The following PPP1R12A variants were observed in gnomAD, a reference collection of about 807,000 sequenced individuals.
PPP1R12A encodes the protein myosin binding subunit.
In PPP1R12A, 19 loss-of-function variants were observed where a neutral mutation model predicts 139.6. That is an observed-to-expected ratio of 0.14 (90% CI 0.09 to 0.20). The LOEUF is 0.20. Among genes scored for constraint, PPP1R12A ranks in the 10% least tolerant of loss-of-function variants. The probability of loss-of-function intolerance (pLI) is 1.00; values close to 1 mark genes in which losing one functional copy is unlikely to be tolerated. For synonymous variants in PPP1R12A, 427 were observed against 420.6 expected (o/e 1.02, Z -0.19); for missense variants, 925 against 1,211.5 (o/e 0.76, Z 3.51).
rs1888565402 is a variant in PPP1R12A, at chr12:79,935,064, G to A, written c.-133C>T. On this transcript the variant is annotated 5_prime_UTR_variant, in exon 1 of 25. Coordinates refer to ENST00000450142, the MANE Select transcript of PPP1R12A (RefSeq NM_002480.3). ...AGAGGAGGGCTGGGAACCCGGAGCC[G>A]ACGCTCGAGACTTCCAGTATCCCAC... 5.0e-6 allele frequency: 7 copies of A among 1,405,268 alleles called. No individual in the cohort carries two copies. Among genetic ancestry groups the A allele is most frequent in the Non-Finnish European group, 6.5e-6 (7 of 1,081,864 alleles). 87.0% of individuals were successfully genotyped at this position (1,405,268 alleles called of 1,614,324 possible).
At chr12:79,790,439 T>C (rs1871698174) in intron 20 of PPP1R12A, 28 bp downstream of exon 20, 2 of 1,265,602 alleles carry the variant, frequency 1.6e-6, no homozygotes, top group South Asian at 1.7e-5. Flanking sequence ...AAGAAAAAAA[T>C]GTCAGTTAAA....
chr12:79,820,908 G>A lies in PPP1R12A; in HGVS notation c.980C>T (p.Pro327Leu), dbSNP rs1454224750. The A allele has an allele frequency of 6.2e-7, 1 of 1,613,096 alleles. No homozygotes were observed. Among genetic ancestry groups the A allele is most frequent in the Non-Finnish European group, 8.5e-7 (1 of 1,179,682 alleles). Residue 327 changes from proline to leucine, a missense_variant, in exon 8 of 25, where the codon CCA (proline) becomes CTA (leucine). Pro to Leu is a moderately conservative substitution (Grantham distance 98). Transcript: ENST00000450142. ...TTCAATACGGGATGCATTTTTCTCT[G>A]GTTCAATAATCAACGTCTCTTTGCT... is the stretch of plus-strand genomic sequence containing the variant. ...FKNKETLIIEPEKNASRIESL... is the reference protein window; with the variant it reads ...FKNKETLIIELEKNASRIESL...
chr12:79,839,981 T>C (rs1179591900), intron 3 of PPP1R12A, among the ~76,000 whole-genome samples: 2 of 152,258 alleles, frequency 1.3e-5, no homozygotes, highest in African/African-American at 2.4e-5. Context: ...GGAATTAAGA[T>C]ATGCTATATA....
chr12:79,890,010 G>A (rs1362516106), intron 1 of PPP1R12A, among the ~76,000 whole-genome samples: 3 of 152,062 alleles, frequency 2.0e-5, no homozygotes, highest in African/African-American at 7.2e-5. Flanking sequence ...ATCACACCTT[G>A]GGGTAAGGAA....
chr12:79,788,065 ATT>A (rs1213264816), intron 21 of PPP1R12A: 23 of 152,308 alleles, frequency 1.5e-4, no homozygotes, highest in African/African-American at 5.6e-4. Flanking sequence ...ATGTAAAATG[ATT>A]CTCTCCCTCA....
chr12:79,867,091 C>T (rs1299649069), intron 2 of PPP1R12A, among the ~76,000 whole-genome samples: 2 of 152,156 alleles, frequency 1.3e-5, no homozygotes, highest in Non-Finnish European at 2.9e-5. Flanking sequence ...CAATGACAGA[C>T]TGGGTTAAGC....
chr12:79,863,351 C>T (rs1329221719), intron 2 of PPP1R12A, among the ~76,000 whole-genome samples: 1 of 152,082 alleles, frequency 6.6e-6, no homozygotes, highest in Admixed American at 6.6e-5. Flanking sequence ...TGGTACCAGC[C>T]ACTGCAAAAA....
chr12:79,861,984 C>T (rs191634058), intron 2 of PPP1R12A, among the ~76,000 whole-genome samples: 113 of 152,314 alleles, frequency 7.4e-4, no homozygotes, highest in South Asian at 1.7e-3. Context: ...AGCATTCAAT[C>T]TCTGTAAACG....
intron 2 of PPP1R12A, among the ~76,000 whole-genome samples, chr12:79,854,026 T>C (rs1377506162): frequency 6.6e-6 from 1 of 152,230 alleles, no homozygotes; most frequent in Non-Finnish European, 1.5e-5. Context: ...TGGAATCGTA[T>C]CTGTTGACCT....
intron 2 of PPP1R12A, chr12:79,849,068 G>C (rs1411380248): frequency 6.6e-6 from 1 of 152,028 alleles, no homozygotes; most frequent in African/African-American, 2.4e-5. Flanking sequence ...GTTTAAATGA[G>C]TTAAAAATAA....
chr12:79,843,612 A>ATATAGATATAGG (rs1491452374), intron 3 of PPP1R12A, among the ~76,000 whole-genome samples: 1 of 18,242 alleles, frequency 5.5e-5, no homozygotes, highest in Non-Finnish European at 9.5e-5. Flanking sequence ...TCAAAAAAAA[A>ATATAGATATAGG]TATAGATATA....
intron 10 of PPP1R12A, among the ~76,000 whole-genome samples, chr12:79,809,143 A>G (rs1302444541): frequency 2.0e-5 from 3 of 152,160 alleles, no homozygotes; most frequent in Non-Finnish European, 2.9e-5. Context: ...CTGATAAAAA[A>G]GCAAAAATAT....
At chr12:79,864,464 G>A (rs1018721947) in intron 2 of PPP1R12A, among the ~76,000 whole-genome samples, 5 of 152,014 alleles carry the variant, frequency 3.3e-5, no homozygotes, top group African/African-American at 4.8e-5. Context: ...TCAAAAGCTA[G>A]CAGAAGACAA....
rs75836652 is a variant in PPP1R12A at position 79,792,132 on chromosome 12, C to A, written c.2650-1649G>T. Among the ~76,000 whole-genome samples, 31 of 152,262 alleles carry A rather than the reference C, an allele frequency of 2.0e-4. 1 individual carries two copies. In the East Asian group the frequency reaches 6.0e-3, roughly 29 times the overall value. On this transcript the variant is annotated intron_variant, in intron 19 of 24. Transcript: ENST00000450142. ...TCTCTAGATAACCACTGTTATCTAA[C>A]CAACCTTTTCTGGACACATAATATC...
intron 2 of PPP1R12A, among the ~76,000 whole-genome samples, chr12:79,855,710 A>AAAAC (rs1880568225): frequency 1.3e-5 from 2 of 152,176 alleles, no homozygotes. Flanking sequence ...CTGCAAAAAA[A>AAAAC]AAACAAACCA....
At chr12:79,801,072 G>A (rs77301970) in intron 14 of PPP1R12A, among the ~76,000 whole-genome samples, 11,910 of 150,866 alleles carry the variant, frequency 0.079, 784 homozygotes, top group East Asian at 0.33. Flanking sequence ...TTGGCTGGGC[G>A]CGGTGGCTCA....
intron 4 of PPP1R12A, among the ~76,000 whole-genome samples, chr12:79,831,405 G>A (rs1877407050): frequency 6.6e-6 from 1 of 152,042 alleles, no homozygotes; most frequent in South Asian, 2.1e-4. Context: ...AAACATGGTG[G>A]AACCTTGTCT....
At chr12:79,898,760 C>T (rs1415306701) in intron 1 of PPP1R12A, among the ~76,000 whole-genome samples, 1 of 152,058 alleles carries the variant, frequency 6.6e-6, no homozygotes, top group Non-Finnish European at 1.5e-5. Context: ...CCTATTACTA[C>T]TCCCTCCTCC....
At chr12:79,814,815 CAAAAAAA>C (rs149384466) in intron 9 of PPP1R12A, among the ~76,000 whole-genome samples, 23 of 69,750 alleles carry the variant, frequency 3.3e-4, no homozygotes, top group East Asian at 1.2e-3. Flanking sequence ...AACTCTGTCT[CAAAAAAA>C]AAAAAAAAAA....
Sources: gnomAD v4.1 joint callset for allele counts (sites outside exome capture counted in the v4.1 genomes callset) on GRCh38, gnomAD v4.1.1 for gene constraint, MANE v1.5 for transcripts, NCBI Gene and HGNC (gene_info 2026-07-23, HGNC 2026-07-21) for gene names.